MYOM1: variants seen among roughly 807,000 people sequenced by gnomAD.
The protein encoded by MYOM1 is myomesin-1.
Under a neutral mutation model 205.3 loss-of-function variants are expected in MYOM1, and 164 were observed. The observed-to-expected ratio is 0.80, with a 90% confidence interval of 0.70 to 0.91. The LOEUF is 0.91. Ranked by LOEUF, MYOM1 falls within the 40% of genes least tolerant of loss-of-function variation. MYOM1 has a pLI of 0.00. For synonymous variants in MYOM1, 772 were observed against 789.4 expected (o/e 0.98, Z 0.37); for missense variants, 2,011 against 2,127.3 (o/e 0.95, Z 1.08).
intron 19 of MYOM1, among the ~76,000 whole-genome samples, chr18:3,123,072 C>T (rs572189763): frequency 5.3e-5 from 8 of 152,274 alleles, no homozygotes; most frequent in South Asian, 4.1e-4. Flanking sequence ...AGCAATCCAC[C>T]GCCTCAGGCT....
At position 3,083,461 on chromosome 18, in the gene MYOM1, C is replaced by T. The variant is rs532960929; in HGVS notation, c.4484+328G>A. 4.9e-5 allele frequency among the ~76,000 whole-genome samples: 6 copies of T among 121,492 alleles called. No homozygotes were observed. In the East Asian group the frequency reaches 1.6e-3, roughly 32 times the overall value. The allele number at this position is 121,492 out of a possible 152,430, so 79.7% of individuals were successfully genotyped here. On this transcript the variant is annotated intron_variant, in intron 33 of 37. Transcript: ENST00000356443. ...TTTTTTTTTTTGAGACAGTGTCTCACTCTGACACCCAGGCTGAAGTACAGT... is the reference window on the plus strand; with the variant it reads ...TTTTTTTTTTTGAGACAGTGTCTCATTCTGACACCCAGGCTGAAGTACAGT...
rs556325474 is a variant in MYOM1 at position 3,219,320 on chromosome 18, AT to A, written c.-29+482del. ...AGGCCATATCATTGTGCGCGCTCAC[AT>A]TTATCCACATTGCATCGTCACAGCA... On this transcript the variant is annotated intron_variant, in intron 1 of 37. Transcript: ENST00000356443. This position sits in a 1 kb window ranked among gnomAD's most constrained non-coding sequence, Gnocchi z 4.4. 2.8e-4 allele frequency among the ~76,000 whole-genome samples: 43 copies of A among 152,202 alleles called. No homozygotes were observed. The highest frequency in any genetic ancestry group is 2.3e-3 in the South Asian group (11 of 4,806).
chr18:3,075,612 A>G, intron 35 of MYOM1, 113 bp downstream of exon 35: 1 of 1,408,964 alleles, frequency 7.1e-7, no homozygotes, highest in East Asian at 2.3e-5. Flanking sequence ...TGCTGCTTCT[A>G]CTGTACTTTC....
At chr18:3,124,480 C>T (rs1203660269) in intron 19 of MYOM1, among the ~76,000 whole-genome samples, 1 of 151,360 alleles carries the variant, frequency 6.6e-6, no homozygotes, top group Non-Finnish European at 1.5e-5. Context: ...GAGTGCCCGC[C>T]ACCACGCCCG....
intron 33 of MYOM1, among the ~76,000 whole-genome samples, chr18:3,081,024 TG>T (rs1216275189): frequency 6.6e-6 from 1 of 150,608 alleles, no homozygotes; most frequent in Non-Finnish European, 1.5e-5. Flanking sequence ...CCCAGCTATT[TG>T]GGAAGCTGAG....
Position 3,188,842 on chromosome 18 carries a change from G to T in MYOM1, c.677C>A (p.Ala226Asp). 4.3e-6 allele frequency: 7 copies of T among 1,613,530 alleles called. No individual in the cohort carries two copies. Among genetic ancestry groups the T allele is most frequent in the Non-Finnish European group, 5.1e-6 (6 of 1,179,818 alleles). Residue 226 changes from alanine (A) to aspartate (D), a missense_variant, in exon 4 of 38, where the codon GCC (alanine) becomes GAC (aspartate). Transcript: ENST00000356443. ...ASRQSVVSKQ[A>D]TSALQQEETS... ...TTCTTCCTGTTGAAGAGCGGATGTG[G>T]CCTGTTTGGAAACCACAGACTGCCT...
chr18:3,113,563 G>C (rs1239908144), intron 21 of MYOM1, among the ~76,000 whole-genome samples: 1 of 151,992 alleles, frequency 6.6e-6, no homozygotes, highest in Non-Finnish European at 1.5e-5. Context: ...AAACTCCTGG[G>C]CTCAAGCAAT....
chr18:3,095,711 G>A (rs2079294633), intron 25 of MYOM1, among the ~76,000 whole-genome samples: 1 of 152,116 alleles, frequency 6.6e-6, no homozygotes, highest in Non-Finnish European at 1.5e-5. Context: ...TGCACCCCAG[G>A]AGACAGTGGT....
rs1378731131 is a variant in MYOM1 at position 3,179,766 on chromosome 18, T to C, written c.930-3632A>G. Among the ~76,000 whole-genome samples the C allele has an allele frequency of 6.6e-6, 1 of 152,148 alleles. No individual in the cohort carries two copies. The highest frequency in any genetic ancestry group is 6.5e-5 in the Admixed American group (1 of 15,274). On this transcript the variant is annotated intron_variant, in intron 5 of 37. Coordinates refer to ENST00000356443, the MANE Select transcript of MYOM1 (RefSeq NM_003803.4). The surrounding 1 kb of genome is among the most constrained non-coding windows in gnomAD (Gnocchi z 4.4). ...TTTAGATGAAGTACAGGGTAGAACA[T>C]GTTAATTGGCATGCTCTTCTTCTAT...
At chr18:3,225,954 T>C in the MYOM1 span, among the ~76,000 whole-genome samples, 1 of 152,190 alleles carries the variant, frequency 6.6e-6, no homozygotes, top group South Asian at 2.1e-4. Context: ...CCAGTGATTG[T>C]CAGTAAATGA....
At chr18:3,170,809 A>C (rs1307829734) in intron 8 of MYOM1, among the ~76,000 whole-genome samples, 2 of 152,198 alleles carry the variant, frequency 1.3e-5, no homozygotes, top group Non-Finnish European at 2.9e-5. Flanking sequence ...TCACAAAAGT[A>C]ACACACACCT....
chr18:3,117,244 A>T (rs1261725501), intron 20 of MYOM1, among the ~76,000 whole-genome samples: 2 of 152,226 alleles, frequency 1.3e-5, no homozygotes, highest in Admixed American at 1.3e-4. Context: ...TTGATGGCAT[A>T]TGAATATAGA....
At chr18:3,113,219 T>C (rs1239014219) in intron 21 of MYOM1, among the ~76,000 whole-genome samples, 1 of 149,520 alleles carries the variant, frequency 6.7e-6, no homozygotes, top group African/African-American at 2.5e-5. Context: ...TATATATATA[T>C]ACACACATGT....
At chr18:3,121,156 T>A (rs2079685367) in intron 19 of MYOM1, among the ~76,000 whole-genome samples, 1 of 152,088 alleles carries the variant, frequency 6.6e-6, no homozygotes, top group Non-Finnish European at 1.5e-5. Context: ...ACATCAAACA[T>A]ATGTTTAATT....
At position 3,174,103 on chromosome 18, in the gene MYOM1, A is replaced by C; in HGVS notation, c.1111+17T>G. 6.2e-7 allele frequency: 1 copy of C among 1,613,630 alleles called. No homozygotes were observed. Among genetic ancestry groups the C allele is most frequent in the Non-Finnish European group, 8.5e-7 (1 of 1,179,512 alleles). ...AACACACACACACTTTGAAGAAAAC[A>C]AATCTAGCAAACCTACTTTTTACCA... On this transcript the variant is annotated intron_variant, in intron 7 of 37. Coordinates refer to ENST00000356443, the MANE Select transcript of MYOM1 (RefSeq NM_003803.4).
At chr18:3,230,514 C>T in the MYOM1 span, among the ~76,000 whole-genome samples, 1 of 152,248 alleles carries the variant, frequency 6.6e-6, no homozygotes, top group East Asian at 1.9e-4. Flanking sequence ...TTTTCATTTG[C>T]ATAGTAGTAT....
intron 9 of MYOM1, among the ~76,000 whole-genome samples, chr18:3,166,263 C>CTTTTTTTTTTT (rs765532198): frequency 9.0e-6 from 1 of 111,666 alleles, no homozygotes. Flanking sequence ...TATCTCAAGT[C>CTTTTTTTTTTT]TTTTTTTTTT....
At chr18:3,237,863 T>C in the MYOM1 span, among the ~76,000 whole-genome samples, 1 of 152,160 alleles carries the variant, frequency 6.6e-6, no homozygotes, top group East Asian at 1.9e-4. Flanking sequence ...GTTATGGAGC[T>C]GGATGGTGGT....
chr18:3,127,402 G>C (rs550291972), intron 18 of MYOM1, among the ~76,000 whole-genome samples: 1 of 145,910 alleles, frequency 6.9e-6, no homozygotes, highest in African/African-American at 2.5e-5. Context: ...TCCGTCTTCT[G>C]GGTTCAAGCA....
Sources: allele counts gnomAD v4.1 joint callset (sites outside exome capture counted in the v4.1 genomes callset), GRCh38; gene constraint gnomAD v4.1.1; non-coding constraint Gnocchi (gnomAD v3.1); transcripts MANE v1.5; gene names NCBI Gene and HGNC (gene_info 2026-07-23, HGNC 2026-07-21).